Variants in EBF1 observed in about 807,000 individuals in gnomAD.
EBF1 encodes the protein EBF transcription factor 1, also known as transcription factor COE1.
A neutral mutation model predicts 68.4 loss-of-function variants in EBF1; 10 were observed. The ratio of observed to expected loss-of-function variants is 0.15; its 90% CI spans 0.09 to 0.25. The LOEUF (loss-of-function observed/expected upper bound fraction) is 0.25, where lower values mean the gene tolerates loss of function less well. Ranked by LOEUF, EBF1 falls within the 10% of genes least tolerant of loss-of-function variation. The pLI, the probability that EBF1 is intolerant of heterozygous loss-of-function variation, is 1.00. For synonymous variants in EBF1, 298 were observed against 299.8 expected (o/e 0.99, Z 0.06); for missense variants, 509 against 794.4 (o/e 0.64, Z 4.32).
At chr5:158,793,344 T>C (rs1779010771) in intron 9 of EBF1, among the ~76,000 whole-genome samples, 1 of 152,212 alleles carries the variant, frequency 6.6e-6, no homozygotes, top group Non-Finnish European at 1.5e-5. Context: ...ACAAATGGCC[T>C]CAAACTTGGT....
At chr5:158,922,892 A>T (rs997890965) in intron 6 of EBF1, among the ~76,000 whole-genome samples, 1 of 152,218 alleles carries the variant, frequency 6.6e-6, no homozygotes, top group Admixed American at 6.5e-5. Context: ...GTGGAATGAG[A>T]CACACAAATA....
intron 6 of EBF1, among the ~76,000 whole-genome samples, chr5:158,905,563 G>GA (rs1209806654): frequency 2.0e-5 from 3 of 152,066 alleles, no homozygotes; most frequent in African/African-American, 7.2e-5. Flanking sequence ...TTATCTTACT[G>GA]AAAAATGGGC....
intron 6 of EBF1, among the ~76,000 whole-genome samples, chr5:158,889,903 A>T (rs1333997436): frequency 1.3e-5 from 2 of 152,242 alleles, no homozygotes; most frequent in Admixed American, 6.5e-5. Flanking sequence ...ACAGTATGGC[A>T]ACAATTCACA....
chr5:158,822,488 T>C (rs1785084870), intron 8 of EBF1, among the ~76,000 whole-genome samples: 2 of 152,328 alleles, frequency 1.3e-5, no homozygotes, highest in Non-Finnish European at 2.9e-5. Flanking sequence ...TTATCTGGTT[T>C]CCTTCAGTCC....
intron 9 of EBF1, among the ~76,000 whole-genome samples, chr5:158,795,122 G>A (rs560855952): frequency 3.3e-5 from 5 of 152,294 alleles, no homozygotes; most frequent in South Asian, 2.1e-4. Context: ...AAAGAACAGC[G>A]TCTGTTCTGG....
chr5:158,945,818 C>T (rs1814532430), intron 6 of EBF1, among the ~76,000 whole-genome samples: 1 of 152,142 alleles, frequency 6.6e-6, no homozygotes, highest in Admixed American at 6.5e-5. Context: ...TCAGGTACAC[C>T]AATCAGACAT....
intron 6 of EBF1, among the ~76,000 whole-genome samples, chr5:159,009,816 G>A (rs769030363): frequency 1.4e-4 from 21 of 151,028 alleles, no homozygotes; most frequent in African/African-American, 4.4e-4. Flanking sequence ...GATATAGTAC[G>A]TGATATTAGC....
At chr5:158,939,401 C>G (rs1275647645) in intron 6 of EBF1, among the ~76,000 whole-genome samples, 1 of 152,096 alleles carries the variant, frequency 6.6e-6, no homozygotes, top group East Asian at 1.9e-4. Context: ...GGAAAGCCTC[C>G]TAGAAGAGGC....
At chr5:158,941,548 A>C (rs1813398765) in intron 6 of EBF1, among the ~76,000 whole-genome samples, 1 of 152,212 alleles carries the variant, frequency 6.6e-6, no homozygotes. Flanking sequence ...TCTTCCAAGG[A>C]TCCAAAGATC....
intron 11 of EBF1, among the ~76,000 whole-genome samples, chr5:158,727,636 G>C (rs114505109): frequency 2.0e-5 from 3 of 152,142 alleles, no homozygotes; most frequent in African/African-American, 7.2e-5. Context: ...AAAAACATCT[G>C]GGGTTAGCAT....
intron 10 of EBF1, among the ~76,000 whole-genome samples, chr5:158,765,782 C>G (rs1297837721): frequency 6.6e-6 from 1 of 152,158 alleles, no homozygotes; most frequent in Non-Finnish European, 1.5e-5. Context: ...TCCACCTGCA[C>G]TCTCAGTACC....
intron 6 of EBF1, among the ~76,000 whole-genome samples, chr5:158,947,958 C>T (rs1815149133): frequency 6.6e-6 from 1 of 152,198 alleles, no homozygotes; most frequent in African/African-American, 2.4e-5. Flanking sequence ...TTGGTATTTA[C>T]CTCCAGCACT....
intron 6 of EBF1, among the ~76,000 whole-genome samples, chr5:158,930,135 A>C (rs1306798842): frequency 1.3e-5 from 2 of 152,222 alleles, no homozygotes; most frequent in Admixed American, 6.5e-5. Context: ...GAGTGTTAGA[A>C]ATACGAAATG....
chr5:159,010,651 C>A (rs553226552), intron 6 of EBF1, among the ~76,000 whole-genome samples: 1 of 152,178 alleles, frequency 6.6e-6, no homozygotes, highest in South Asian at 2.1e-4. Context: ...ATACTAAAGT[C>A]ACACTACATT....
chr5:158,707,967 C>T lies in EBF1; in HGVS notation c.1744+12G>A. 1 of 1,547,394 alleles carries T rather than the reference C, an allele frequency of 6.5e-7. No homozygotes were observed. The highest frequency in any genetic ancestry group is 1.2e-5 in the South Asian group (1 of 83,838). On this transcript the variant is annotated intron_variant, in intron 15 of 15. Coordinates refer to ENST00000313708, the MANE Select transcript of EBF1 (RefSeq NM_024007.5). Reference sequence around the variant, plus strand: ...ATTGAATCTGGATTGGCAGGTGGGGCCTGGGGCTTACCTTGCAGGCTGTTC... The same window carrying T: ...ATTGAATCTGGATTGGCAGGTGGGGTCTGGGGCTTACCTTGCAGGCTGTTC...
At chr5:158,860,349 T>C (rs1275454603) in intron 6 of EBF1, among the ~76,000 whole-genome samples, 2 of 152,210 alleles carry the variant, frequency 1.3e-5, no homozygotes, top group African/African-American at 4.8e-5. Context: ...CTAAGGCCAA[T>C]ATCTGTGTTC....
chr5:158,828,694 C>T (rs1786777667), intron 7 of EBF1, among the ~76,000 whole-genome samples: 1 of 152,146 alleles, frequency 6.6e-6, no homozygotes, highest in Non-Finnish European at 1.5e-5. Flanking sequence ...GTAATGGGTA[C>T]ATGGGATCAT....
chr5:159,038,451 G>A (rs568395760), intron 6 of EBF1, among the ~76,000 whole-genome samples: 5 of 152,234 alleles, frequency 3.3e-5, no homozygotes, highest in South Asian at 4.2e-4. Flanking sequence ...TAAGACTCAC[G>A]GTCAAAACAA....
intron 6 of EBF1, among the ~76,000 whole-genome samples, chr5:158,999,353 AC>A (rs537630483): frequency 5.6e-4 from 86 of 152,368 alleles, no homozygotes; most frequent in African/African-American, 1.9e-3. Context: ...CTTCTTTAAG[AC>A]AAACTACTTT....
Sources: gnomAD v4.1 joint callset for allele counts (sites outside exome capture counted in the v4.1 genomes callset) on GRCh38, gnomAD v4.1.1 for gene constraint, MANE v1.5 for transcripts, NCBI Gene and HGNC (gene_info 2026-07-23, HGNC 2026-07-21) for gene names.